Variants in ECT2 observed in about 807,000 individuals in gnomAD.
ECT2 encodes protein ECT2.
A neutral mutation model predicts 116.9 loss-of-function variants in ECT2; 61 were observed. The ratio of observed to expected loss-of-function variants is 0.52; its 90% CI spans 0.42 to 0.65. The LOEUF (loss-of-function observed/expected upper bound fraction) is 0.65, where lower values mean the gene tolerates loss of function less well. Ranked by LOEUF, ECT2 falls within the 30% of genes least tolerant of loss-of-function variation. The pLI, the probability that ECT2 is intolerant of heterozygous loss-of-function variation, is 0.00. For missense variants in ECT2, 937 were observed against 1,078.7 expected (o/e 0.87, Z 1.84); for synonymous variants, 358 against 346.4 (o/e 1.03, Z -0.37).
At chr3:172,804,229 A>C (rs1727262187) in intron 20 of ECT2, among the ~76,000 whole-genome samples, 1 of 152,222 alleles carries the variant, frequency 6.6e-6, no homozygotes, top group African/African-American at 2.4e-5. Flanking sequence ...GGAATCTTAA[A>C]GAGCGGTTCA....
intron 19 of ECT2, 41 bp downstream of exon 19, chr3:172,802,735 T>G (rs749618104): frequency 6.5e-7 from 1 of 1,529,134 alleles, no homozygotes; most frequent in South Asian, 1.2e-5. Flanking sequence ...TATTTTCTTC[T>G]TGTTAATGAG....
At position 172,764,490 on chromosome 3, in the gene ECT2, T is replaced by C. The variant is rs760808376; in HGVS notation, c.1281T>C (p.Ile427=). Residue 427 remains isoleucine, a synonymous_variant, in exon 12 of 25, where the codon ATT becomes ATC. Transcript: ENST00000392692. ...TCTCCAACACACCAGAGTCTAGCAT[T>C]AACTATGGAGGTAATTCACATTCTT... ...LDISNTPESS[I]NYGDTPKSCT... 6.2e-7 allele frequency: 1 copy of C among 1,613,164 alleles called. No individual in the cohort carries two copies. The highest frequency in any genetic ancestry group is 8.5e-7 in the Non-Finnish European group (1 of 1,179,176).
intron 15 of ECT2, among the ~76,000 whole-genome samples, chr3:172,782,683 T>A (rs1722914030): frequency 6.6e-6 from 1 of 152,286 alleles, no homozygotes; most frequent in South Asian, 2.1e-4. Flanking sequence ...TTCCTCTCCT[T>A]CCTCCTACCC....
At chr3:172,806,717 A>G (rs138495658) in intron 21 of ECT2, among the ~76,000 whole-genome samples, 4 of 140,952 alleles carry the variant, frequency 2.8e-5, no homozygotes, top group East Asian at 2.1e-4. Flanking sequence ...CAGTGGCGCA[A>G]ACTTGGTTCA....
the ECT2 span, among the ~76,000 whole-genome samples, chr3:172,826,729 ACCACCAG>A: frequency 3.9e-5 from 6 of 152,332 alleles, no homozygotes; most frequent in South Asian, 1.2e-3. Flanking sequence ...ACCTTCAGCA[ACCACCAG>A]CCTGATCAGT....
chr3:172,759,245 A>G (rs1004803005), intron 6 of ECT2, among the ~76,000 whole-genome samples, 176 bp downstream of exon 6: 3 of 152,182 alleles, frequency 2.0e-5, no homozygotes, highest in African/African-American at 4.8e-5. Flanking sequence ...CCTTATAAAG[A>G]GACCAGTGTT....
downstream of ECT2, among the ~76,000 whole-genome samples, chr3:172,822,927 A>C (rs1730746018): frequency 6.6e-6 from 1 of 152,084 alleles, no homozygotes; most frequent in Admixed American, 6.5e-5. Flanking sequence ...GAGAAAAATT[A>C]AAATACTAGA....
chr3:172,763,026 A>G, intron 11 of ECT2, 54 bp downstream of exon 11: 1 of 1,575,456 alleles, frequency 6.3e-7, no homozygotes, highest in Non-Finnish European at 8.7e-7. Flanking sequence ...GTTTGAAAAT[A>G]ACACTTTTCT....
At chr3:172,751,130 G>A (rs1298333531) in intron 1 of ECT2, 1 of 152,438 alleles carries the variant, frequency 6.6e-6, no homozygotes, top group East Asian at 1.9e-4. Context: ...GGTGAAGGGA[G>A]GGAGTTGGGA....
chr3:172,762,753 G>C lies in ECT2; in HGVS notation c.952G>C (p.Val318Leu). The change falls in exon 10 of 25, where the codon GTA becomes CTA. Residue 318 changes from valine to leucine, a missense_variant. Val to Leu is a conservative substitution (Grantham distance 32, BLOSUM62 1). Transcript: ENST00000392692. ...CTHLVVEENI[V>L]KDLPFEPSKK... ...TCACCTTGTAGTTGAAGAGAATATA[G>C]TAAAAGATCTTCCCTTTGAACCTTC... 6.2e-7 allele frequency: 1 copy of C among 1,613,282 alleles called. No individual in the cohort carries two copies. Among genetic ancestry groups the C allele is most frequent in the Non-Finnish European group, 8.5e-7 (1 of 1,179,676 alleles).
At position 172,788,226 on chromosome 3, in the gene ECT2, A is replaced by C. The variant is rs138157570; in HGVS notation, c.1907+1652A>C. Among the ~76,000 whole-genome samples the C allele has an allele frequency of 2.1e-3, 316 of 152,358 alleles. 1 individual carries two copies. Among genetic ancestry groups the C allele is most frequent in the African/African-American group, 6.8e-3 (284 of 41,588 alleles). ...CACTGTTACCTATCAGATATAGGAAATAATGACACAGCACCAGTTCACTAG... is the reference window on the plus strand; with the variant it reads ...CACTGTTACCTATCAGATATAGGAACTAATGACACAGCACCAGTTCACTAG... On this transcript the variant is annotated intron_variant, in intron 18 of 24. Transcript: ENST00000392692.
intron 2 of ECT2, 92 bp downstream of exon 2, chr3:172,754,752 G>C: frequency 1.1e-6 from 1 of 943,628 alleles, no homozygotes; most frequent in Non-Finnish European, 1.6e-6. Flanking sequence ...AATACCAACT[G>C]TAATGCTAGA....
At chr3:172,789,970 C>T (rs1283194900) in intron 18 of ECT2, among the ~76,000 whole-genome samples, 5 of 151,980 alleles carry the variant, frequency 3.3e-5, no homozygotes, top group African/African-American at 1.2e-4. Context: ...CTATTAATGT[C>T]GATGTTTTGA....
At position 172,764,196 on chromosome 3, in the gene ECT2, A is replaced by G. The variant is rs1009510039; in HGVS notation, c.1069-82A>G. ...TTGTGCAAAATCCAGATTCTGTCAG[A>G]CTTGTAAATATATTTTTCTCTTGTT... On this transcript the variant is annotated intron_variant, in intron 11 of 24. Transcript: ENST00000392692. 4.1e-6 allele frequency: 5 copies of G among 1,221,856 alleles called. No homozygotes were observed. In the Admixed American group the frequency reaches 6.0e-5, roughly 15 times the overall value. The allele number at this position is 1,221,856 out of a possible 1,614,324, so 75.7% of individuals were successfully genotyped here.
chr3:172,755,308 G>C lies in ECT2; in HGVS notation c.144G>C (p.Gln48His). The change falls in exon 3 of 25, where the codon CAG (glutamine) becomes CAC (histidine). Residue 48 changes from glutamine (Q) to histidine (H), a missense_variant. Coordinates refer to ENST00000392692, the MANE Select transcript of ECT2 (RefSeq NM_001258315.2). ...STSYVEEEMP[Q>H]IETRVILVQE... is the part of the protein sequence containing the mutation. The stretch of plus-strand genomic sequence containing the variant: ...ACATTTTAACAGAAGAGATGCCTCA[G>C]ATTGAAACAAGAGTGATATTGGTTC... 2 of 1,603,654 alleles carry C rather than the reference G, an allele frequency of 1.2e-6. No homozygotes were observed. Among genetic ancestry groups the C allele is most frequent in the Non-Finnish European group, 1.7e-6 (2 of 1,177,488 alleles).
rs538926918 is a variant in ECT2, at chr3:172,808,018, G to T, written c.2400+94G>T. 16 of 1,235,852 alleles carry T rather than the reference G, an allele frequency of 1.3e-5. No homozygotes were observed. In the East Asian group the frequency reaches 3.5e-4, roughly 27 times the overall value. The allele number at this position is 1,235,852 out of a possible 1,614,324, so 76.6% of individuals were successfully genotyped here. On this transcript the variant is annotated intron_variant, in intron 22 of 24. Transcript: ENST00000392692. ...ACATTTTTAATGACTTGTTTATTAT[G>T]AATGGAGAGTTTTAGTTTTGTGTAT...
chr3:172,828,441 C>T, the ECT2 span, among the ~76,000 whole-genome samples: 2 of 151,650 alleles, frequency 1.3e-5, no homozygotes, highest in African/African-American at 4.8e-5. Flanking sequence ...AATATGGTTA[C>T]AGAAGTGAAA....
rs1671918611 is a variant in ECT2, at chr3:172,817,894, G to A, written c.2655+1057G>A. ...AGAGCATGGACTCTGGAACCCTAGT[G>A]TTCAAATCCTTGCTCTGCTATTTAC... On this transcript the variant is annotated intron_variant, in intron 24 of 24. Transcript: ENST00000392692. Among the ~76,000 whole-genome samples, 3 of 152,052 alleles carry A rather than the reference G, an allele frequency of 2.0e-5. No individual in the cohort carries two copies. In the South Asian group the frequency reaches 6.2e-4, roughly 32 times the overall value.
intron 16 of ECT2, among the ~76,000 whole-genome samples, chr3:172,784,393 A>T (rs1422653589): frequency 2.0e-5 from 3 of 152,020 alleles, no homozygotes; most frequent in African/African-American, 7.3e-5. Context: ...GTTCCTTATT[A>T]TGGTATTAGC....
Sources: allele counts gnomAD v4.1 joint callset (sites outside exome capture counted in the v4.1 genomes callset), GRCh38; gene constraint gnomAD v4.1.1; transcripts MANE v1.5; gene names NCBI Gene and HGNC (gene_info 2026-07-23, HGNC 2026-07-21).